CCNY: variants seen among roughly 807,000 people sequenced by gnomAD.
The protein encoded by CCNY is cyclin Y, also known as cyclin-Y.
A neutral mutation model predicts 42.8 loss-of-function variants in CCNY; 19 were observed. The ratio of observed to expected loss-of-function variants is 0.44; its 90% CI spans 0.31 to 0.65. The LOEUF is 0.65. Among genes scored for constraint, CCNY ranks in the 30% least tolerant of loss-of-function variants. The pLI, the probability that CCNY is intolerant of heterozygous loss-of-function variation, is 0.07. For missense variants in CCNY, 370 were observed against 437.3 expected, an observed-to-expected ratio of 0.85 and a Z score of 1.37; for synonymous variants, 165 against 162.7, an observed-to-expected ratio of 1.01 and a Z score of -0.11.
intron 1 of CCNY, among the ~76,000 whole-genome samples, chr10:35,467,058 GT>G (rs1839284287): frequency 6.6e-6 from 1 of 152,252 alleles, no homozygotes; most frequent in Admixed American, 6.5e-5. Context: ...TACCTGTTGT[GT>G]TTACTGCTGT....
At chr10:35,411,138 T>C (rs1026463245) in intron 1 of CCNY, among the ~76,000 whole-genome samples, 1 of 152,198 alleles carries the variant, frequency 6.6e-6, no homozygotes, top group African/African-American at 2.4e-5. Flanking sequence ...AAAAGGTGTG[T>C]TTCTCAAATC....
chr10:35,488,107 C>T (rs1321877591), intron 2 of CCNY, among the ~76,000 whole-genome samples: 5 of 152,052 alleles, frequency 3.3e-5, no homozygotes, highest in South Asian at 4.1e-4. Flanking sequence ...CCTAAGTTTG[C>T]GGAATCTGTG....
At chr10:35,543,295 A>C (rs1005161696) in intron 7 of CCNY, among the ~76,000 whole-genome samples, 1 of 152,212 alleles carries the variant, frequency 6.6e-6, no homozygotes, top group African/African-American at 2.4e-5. Context: ...AAAATCAGCA[A>C]AAAGGGGAGG....
intron 2 of CCNY, among the ~76,000 whole-genome samples, chr10:35,490,627 T>A (rs1270806306): frequency 6.6e-6 from 1 of 152,180 alleles, no homozygotes. Context: ...CACTGTGATA[T>A]CTGTAAACCC....
At chr10:35,441,961 G>A (rs3013368) in intron 1 of CCNY, among the ~76,000 whole-genome samples, 64,841 of 152,120 alleles carry the variant, frequency 0.43, 14,833 homozygotes, top group African/African-American at 0.59. Context: ...ACCCATTGTT[G>A]TAAAGTCTGT....
intron 8 of CCNY, among the ~76,000 whole-genome samples, chr10:35,559,650 C>T (rs555972132): frequency 6.6e-6 from 1 of 152,346 alleles, no homozygotes; most frequent in East Asian, 1.9e-4. Context: ...CACCAAAGGG[C>T]CCAGAGACAG....
At chr10:35,446,935 T>A (rs932766967) in intron 1 of CCNY, among the ~76,000 whole-genome samples, 2 of 152,238 alleles carry the variant, frequency 1.3e-5, no homozygotes, top group Non-Finnish European at 2.9e-5. Flanking sequence ...TTTAGATAAA[T>A]TGATTATACA....
chr10:35,449,926 C>T (rs531483337), intron 1 of CCNY: 23 of 346,722 alleles, frequency 6.6e-5, no homozygotes, highest in Middle Eastern at 1.5e-3. Context: ...CAAGAGTTTA[C>T]GGTGGGACCA....
At chr10:35,353,506 A>C (rs888097176) in intron 1 of CCNY, among the ~76,000 whole-genome samples, 92 of 152,318 alleles carry the variant, frequency 6.0e-4, no homozygotes, top group Middle Eastern at 3.4e-3. Context: ...CCTTCGTAGA[A>C]TCACAGGCTG....
At chr10:35,266,440 G>T (rs1389835285) in intron 3 of CCNY, among the ~76,000 whole-genome samples, 1 of 151,614 alleles carries the variant, frequency 6.6e-6, no homozygotes. Flanking sequence ...ATGATTTTTT[G>T]ATCACTTGGT....
intron 7 of CCNY, 27 bp from the exon 8 acceptor site, chr10:35,552,992 A>T (rs1475745186): frequency 1.2e-6 from 2 of 1,601,924 alleles, no homozygotes; most frequent in African/African-American, 2.7e-5. Flanking sequence ...CAAATCACTT[A>T]GCTCTGGCAT....
At chr10:35,449,382 G>T (rs1007827982) in intron 1 of CCNY, among the ~76,000 whole-genome samples, 3 of 152,100 alleles carry the variant, frequency 2.0e-5, no homozygotes, top group Admixed American at 2.0e-4. Flanking sequence ...GGACTGAGAT[G>T]TGGCCATTGA....
intron 1 of CCNY, among the ~76,000 whole-genome samples, chr10:35,459,239 G>A (rs1287072847): frequency 3.3e-5 from 5 of 152,170 alleles, no homozygotes; most frequent in African/African-American, 9.7e-5. Context: ...AGAGGCTCCC[G>A]GGCCAGCGCT....
intron 1 of CCNY, among the ~76,000 whole-genome samples, chr10:35,400,193 A>G (rs1426342811): frequency 7.2e-6 from 1 of 139,136 alleles, no homozygotes; most frequent in Non-Finnish European, 1.5e-5. Context: ...ATTCTTTTGG[A>G]TTTTGTAAAA....
rs561759427 is a variant in CCNY at position 35,504,427 on chromosome 10, A to G, written c.264+2892A>G. 2.0e-5 allele frequency among the ~76,000 whole-genome samples: 3 copies of G among 152,338 alleles called. No homozygotes were observed. In the South Asian group the frequency reaches 6.2e-4, roughly 32 times the overall value. The stretch of plus-strand genomic sequence containing the variant: ...GGCCTTTAACTGGCTCAAAACAGCC[A>G]AGAGAGACTCAGAGGATTAAGTGAA... On this transcript the variant is annotated intron_variant, in intron 3 of 9. Transcript: ENST00000374704.
In CCNY at chr10:35,426,377, G is replaced by T. The variant is rs1304463815; in HGVS notation, c.155-57027G>T. On this transcript the variant is annotated intron_variant, in intron 1 of 9. Coordinates refer to ENST00000374704, the MANE Select transcript of CCNY (RefSeq NM_145012.6). The stretch of plus-strand genomic sequence containing the variant: ...TTAAGAAGGCCTGATAGTGAAGAAG[G>T]AGACAGAAAAACTACAGAAACATAA... 2.0e-5 allele frequency among the ~76,000 whole-genome samples: 3 copies of T among 152,254 alleles called. No individual in the cohort carries two copies. In the East Asian group the frequency reaches 5.8e-4, roughly 29 times the overall value.
At chr10:35,493,310 G>T (rs943234828) in intron 2 of CCNY, among the ~76,000 whole-genome samples, 3 of 152,198 alleles carry the variant, frequency 2.0e-5, no homozygotes, top group Admixed American at 2.0e-4. Flanking sequence ...CAGGCTGGGG[G>T]GAGTTTGATG....
intron 3 of CCNY, among the ~76,000 whole-genome samples, chr10:35,315,792 G>A (rs889096026): frequency 1.3e-5 from 2 of 152,046 alleles, no homozygotes; most frequent in African/African-American, 4.8e-5. Context: ...TAGCCATTTT[G>A]ACTGGTGTGA....
At chr10:35,267,382 G>A (rs1322157964) in intron 3 of CCNY, among the ~76,000 whole-genome samples, 2 of 152,004 alleles carry the variant, frequency 1.3e-5, no homozygotes, top group Non-Finnish European at 2.9e-5. Flanking sequence ...TCCCTGGTGG[G>A]CCTCTTTCTT....
Sources: allele counts gnomAD v4.1 joint callset (sites outside exome capture counted in the v4.1 genomes callset), GRCh38; gene constraint gnomAD v4.1.1; transcripts MANE v1.5; gene names NCBI Gene and HGNC (gene_info 2026-07-23, HGNC 2026-07-21).